RYR2: variants seen among roughly 807,000 people sequenced by gnomAD.
RYR2 encodes the protein cardiac muscle ryanodine receptor-calcium release channel.
In RYR2, 227 loss-of-function variants were observed where a neutral mutation model predicts 601.1. The ratio of observed to expected loss-of-function variants is 0.38; its 90% CI spans 0.34 to 0.42. RYR2 has a LOEUF of 0.42. Ranked by LOEUF, RYR2 falls within the 10% of genes least tolerant of loss-of-function variation. The pLI is 1.00. For synonymous variants in RYR2, 2,223 were observed against 2,175.1 expected (o/e 1.02, Z -0.61); for missense variants, 4,646 against 6,156.5 (o/e 0.75, Z 8.21).
At chr1:237,831,979 T>C (rs1304130550) in intron 104 of RYR2, among the ~76,000 whole-genome samples, 8 of 152,138 alleles carry the variant, frequency 5.3e-5, no homozygotes, top group Middle Eastern at 3.2e-3. Flanking sequence ...AGATTGTTAG[T>C]AGTTTGAATT....
At chr1:237,477,291 T>C (rs2998405) in intron 17 of RYR2, among the ~76,000 whole-genome samples, 6,789 of 152,134 alleles carry the variant, frequency 0.045, 529 homozygotes, top group African/African-American at 0.16. Context: ...CTCAGGAGGC[T>C]GAGGCAGGAG....
rs542759482 is a variant in RYR2 at position 237,754,493 on chromosome 1, T to A, written c.11146-1795T>A. Among the ~76,000 whole-genome samples the A allele has an allele frequency of 3.9e-5, 6 of 152,340 alleles. No homozygotes were observed. In the East Asian group the frequency reaches 9.6e-4, roughly 24 times the overall value. ...CATCTTCCATCTTCTGTGAGTTTCC[T>A]GATGACTGTCTTTATGTGTTCTATT... On this transcript the variant is annotated intron_variant, in intron 80 of 104. Transcript: ENST00000366574.
rs78075873 is a variant in RYR2, at chr1:237,534,249, A to G, written c.2906+3739A>G. ...AAGAAAAGAAGGCCACTATATGGAG[A>G]ATTGAGAAAACAAGCATCATGCTAT... On this transcript the variant is annotated intron_variant, in intron 25 of 104. Coordinates refer to ENST00000366574, the MANE Select transcript of RYR2 (RefSeq NM_001035.3). Among the ~76,000 whole-genome samples, 1,416 of 152,152 alleles carry G rather than the reference A, an allele frequency of 9.3e-3. 24 individuals are homozygous for G. Among genetic ancestry groups the G allele is most frequent in the African/African-American group, 0.032 (1,336 of 41,550 alleles).
chr1:237,268,560 G>C (rs1347286730), intron 1 of RYR2, among the ~76,000 whole-genome samples: 1 of 152,146 alleles, frequency 6.6e-6, no homozygotes, highest in East Asian at 1.9e-4. Context: ...TCAGTTAGGA[G>C]GTGGTTGTTA....
At position 237,795,836 on chromosome 1, in the gene RYR2, GTATATATATATA is replaced by G. The variant is rs1553329286; in HGVS notation, c.13956+507_13956+518del. On this transcript the variant is annotated intron_variant, in intron 96 of 104. Coordinates refer to ENST00000366574, the MANE Select transcript of RYR2 (RefSeq NM_001035.3). ...TATACAGGTATGTATGTGTGTGTGT[GTATATATATATA>G]TGTATATGTATATATATATATATAT... Among the ~76,000 whole-genome samples, 463 of 132,662 alleles carry G rather than the reference GTATATATATATA, an allele frequency of 3.5e-3. 1 individual carries two copies. Among genetic ancestry groups the G allele is most frequent in the African/African-American group, 8.8e-3 (306 of 34,934 alleles). 87.0% of individuals were successfully genotyped at this position (132,662 alleles called of 152,430 possible).
chr1:237,119,798 G>T (rs1288304549), intron 1 of RYR2, among the ~76,000 whole-genome samples: 2 of 152,198 alleles, frequency 1.3e-5, no homozygotes, highest in Admixed American at 1.3e-4. Flanking sequence ...GAAGGTCTTG[G>T]TATTGATACC....
At chr1:237,524,111 T>C (rs1320917936) in intron 24 of RYR2, among the ~76,000 whole-genome samples, 1 of 152,210 alleles carries the variant, frequency 6.6e-6, no homozygotes, top group Non-Finnish European at 1.5e-5. Flanking sequence ...TACACGTAAA[T>C]GTTCACAGAA....
intron 12 of RYR2, among the ~76,000 whole-genome samples, chr1:237,426,731 A>G (rs1292343361): frequency 6.6e-6 from 1 of 152,208 alleles, no homozygotes; most frequent in Non-Finnish European, 1.5e-5. Flanking sequence ...AGTGGAAGAC[A>G]TTGGAATGAT....
rs1172292367 is a variant in RYR2, at chr1:237,614,338, C to A, written c.5210C>A (p.Thr1737Asn). Reference sequence around the variant, plus strand: ...ATGACGGAGGAGACGAAGAGCATCACCCTGTTCCCTGATGAGAACAAAAAA... The same window carrying A: ...ATGACGGAGGAGACGAAGAGCATCAACCTGTTCCCTGATGAGAACAAAAAA... Reference protein sequence around the residue: ...VPMTEETKSITLFPDENKKHG... With the variant: ...VPMTEETKSINLFPDENKKHG... Residue 1737 changes from threonine to asparagine, a missense_variant, in exon 37 of 105, where the codon ACC (threonine) becomes AAC (asparagine). Physicochemically the swap from Thr to Asn is moderately conservative, Grantham distance 65. Coordinates refer to ENST00000366574, the MANE Select transcript of RYR2 (RefSeq NM_001035.3). This position sits in a 1 kb window ranked among gnomAD's most constrained non-coding sequence, Gnocchi z 4.3. 1 of 1,614,026 alleles carries A rather than the reference C, an allele frequency of 6.2e-7. No homozygotes were observed. Among genetic ancestry groups the A allele is most frequent in the Non-Finnish European group, 8.5e-7 (1 of 1,179,904 alleles).
At chr1:237,513,643 C>G (rs1558948844) in intron 24 of RYR2, among the ~76,000 whole-genome samples, 1 of 152,184 alleles carries the variant, frequency 6.6e-6, no homozygotes, top group Non-Finnish European at 1.5e-5. Flanking sequence ...ACTACCTTTT[C>G]TATATTTAGA....
At chr1:237,184,994 C>T (rs570507937) in intron 1 of RYR2, among the ~76,000 whole-genome samples, 11 of 151,802 alleles carry the variant, frequency 7.2e-5, no homozygotes, top group South Asian at 2.1e-4. Context: ...CTCAGCCTTC[C>T]GAACAGCTGG....
intron 25 of RYR2, among the ~76,000 whole-genome samples, chr1:237,545,833 G>A (rs773884055): frequency 6.6e-6 from 1 of 151,804 alleles, no homozygotes; most frequent in African/African-American, 2.4e-5. Context: ...GCTGAGGCAG[G>A]AGGACTGCTT....
chr1:237,481,733 A>G (rs1235004864), intron 17 of RYR2, among the ~76,000 whole-genome samples: 1 of 150,502 alleles, frequency 6.6e-6, no homozygotes. Context: ...TCTCAGATGC[A>G]CAGGCCCAGA....
rs566769695 is a variant in RYR2, at chr1:237,761,217, T to C, written c.11476+189T>C. On this transcript the variant is annotated intron_variant, in intron 84 of 104. Coordinates refer to ENST00000366574, the MANE Select transcript of RYR2 (RefSeq NM_001035.3). ...TAAAACCAACCTTCCACGCCGGTCA[T>C]TAACTCCTTGTGTGCCAGCCCCATT... Among the ~76,000 whole-genome samples, 261 of 152,326 alleles carry C rather than the reference T, an allele frequency of 1.7e-3. 1 individual carries two copies. Among genetic ancestry groups the C allele is most frequent in the African/African-American group, 6.1e-3 (252 of 41,570 alleles).
intron 17 of RYR2, among the ~76,000 whole-genome samples, chr1:237,473,084 G>A (rs1479101531): frequency 6.6e-6 from 1 of 151,870 alleles, no homozygotes; most frequent in Non-Finnish European, 1.5e-5. Flanking sequence ...CTACCCGATA[G>A]GGCTGTTAGG....
At chr1:237,127,428 T>A (rs1671580105) in intron 1 of RYR2, among the ~76,000 whole-genome samples, 1 of 142,208 alleles carries the variant, frequency 7.0e-6, no homozygotes, top group South Asian at 2.3e-4. Context: ...CCCCCCCACC[T>A]CCCTCCCAGA....
At chr1:237,299,735 T>C (rs1045871392) in intron 2 of RYR2, among the ~76,000 whole-genome samples, 3 of 152,168 alleles carry the variant, frequency 2.0e-5, no homozygotes, top group Non-Finnish European at 4.4e-5. Flanking sequence ...TCCTAGGGGC[T>C]TTTAGGAGAA....
chr1:237,682,245 T>C (rs567362270), intron 62 of RYR2, among the ~76,000 whole-genome samples: 2 of 152,146 alleles, frequency 1.3e-5, no homozygotes, highest in African/African-American at 2.4e-5. Flanking sequence ...AAAAAGAAAA[T>C]TGGCCCATTT....
intron 87 of RYR2, among the ~76,000 whole-genome samples, chr1:237,778,409 A>AT (rs1558392955): frequency 6.6e-6 from 1 of 151,544 alleles, no homozygotes; most frequent in Non-Finnish European, 1.5e-5. Context: ...AAAAAAAAAA[A>AT]TGATTCACAG....
Sources: allele counts gnomAD v4.1 joint callset (sites outside exome capture counted in the v4.1 genomes callset), GRCh38; gene constraint gnomAD v4.1.1; non-coding constraint Gnocchi (gnomAD v3.1); transcripts MANE v1.5; gene names NCBI Gene and HGNC (gene_info 2026-07-23, HGNC 2026-07-21).